The following GALNT13 variants were observed in gnomAD, a reference collection of about 807,000 sequenced individuals.
The protein encoded by GALNT13 is UDP-GalNAc:polypeptide N-acetylgalactosaminyltransferase 13.
Under a neutral mutation model 64.2 loss-of-function variants are expected in GALNT13, and 28 were observed. The observed-to-expected ratio is 0.44, with a 90% CI of 0.32 to 0.60. GALNT13 has a LOEUF of 0.60. Among genes scored for constraint, GALNT13 ranks in the 20% least tolerant of loss-of-function variants. The probability of loss-of-function intolerance (pLI) is 0.05; values close to 1 mark genes in which losing one functional copy is unlikely to be tolerated. For synonymous variants in GALNT13, 214 were observed against 224.6 expected, an observed-to-expected ratio of 0.95 and a Z score of 0.42; for missense variants, 577 against 669.8, an observed-to-expected ratio of 0.86 and a Z score of 1.53.
At chr2:153,909,981 T>C (rs566918586) in intron 2 of GALNT13, among the ~76,000 whole-genome samples, 11 of 152,276 alleles carry the variant, frequency 7.2e-5, no homozygotes, top group African/African-American at 2.6e-4. Context: ...CCTCATTTTT[T>C]TGGAATAATT....
chr2:154,430,253 T>A (rs2105446342), intron 11 of GALNT13, among the ~76,000 whole-genome samples: 1 of 152,290 alleles, frequency 6.6e-6, no homozygotes, highest in East Asian at 1.9e-4. Context: ...TATTCACAAT[T>A]CTAGATACCG....
the GALNT13 span, among the ~76,000 whole-genome samples, chr2:153,631,855 T>C: frequency 1.3e-5 from 2 of 152,198 alleles, no homozygotes; most frequent in African/African-American, 2.4e-5. Flanking sequence ...CCATTGCTTT[T>C]GGTGTTTTAA....
At chr2:153,301,308 T>TAAAAAAAAAAAAA in the GALNT13 span, among the ~76,000 whole-genome samples, 1 of 14,270 alleles carries the variant, frequency 7.0e-5, no homozygotes, top group East Asian at 3.5e-4. Context: ...AGACTCCTTC[T>TAAAAAAAAAAAAA]CAAAAAAAAA....
intron 9 of GALNT13, among the ~76,000 whole-genome samples, chr2:154,306,618 T>TGGGGGGG (rs70983716): frequency 9.5e-5 from 12 of 126,320 alleles, no homozygotes; most frequent in Admixed American, 1.8e-4. Flanking sequence ...GATAATTTGG[T>TGGGGGGG]GGGGGGGGGG....
At chr2:154,348,707 A>G (rs180726827) in intron 9 of GALNT13, among the ~76,000 whole-genome samples, 83 of 151,992 alleles carry the variant, frequency 5.5e-4, no homozygotes, top group African/African-American at 2.0e-3. Context: ...TCCCAATGTC[A>G]TTTTATACTA....
chr2:153,550,091 CCT>C, the GALNT13 span, among the ~76,000 whole-genome samples: 2 of 152,228 alleles, frequency 1.3e-5, no homozygotes, highest in Admixed American at 6.5e-5. Flanking sequence ...CTTTCTGCTC[CCT>C]GTTTCCTAGA....
the GALNT13 span, among the ~76,000 whole-genome samples, chr2:153,759,813 T>C: frequency 6.6e-6 from 1 of 152,110 alleles, no homozygotes; most frequent in Non-Finnish European, 1.5e-5. Flanking sequence ...GGTACCAGGA[T>C]GATTCTACCC....
intron 1 of GALNT13, among the ~76,000 whole-genome samples, chr2:153,881,383 G>T (rs1686774250): frequency 6.6e-6 from 1 of 152,182 alleles, no homozygotes; most frequent in African/African-American, 2.4e-5. Flanking sequence ...CCCACTGTCA[G>T]ACTTATGGAT....
At chr2:154,143,152 T>G (rs1177808951) in intron 4 of GALNT13, among the ~76,000 whole-genome samples, 1 of 152,176 alleles carries the variant, frequency 6.6e-6, no homozygotes, top group Non-Finnish European at 1.5e-5. Flanking sequence ...TGATCAGGCA[T>G]TAGATTCTCA....
chr2:154,095,998 A>T (rs1981904), intron 3 of GALNT13, among the ~76,000 whole-genome samples: 83,733 of 151,742 alleles, frequency 0.55, 24,328 homozygotes, highest in East Asian at 0.85. Context: ...AAGTAGCGAT[A>T]TGAAGTTTCT....
At chr2:154,447,403 C>T (rs707074) in intron 12 of GALNT13, among the ~76,000 whole-genome samples, 149,965 of 152,058 alleles carry the variant, frequency 0.99, 73,986 homozygotes, top group Middle Eastern at 1. Flanking sequence ...CTCACTTTTA[C>T]GATTTGTGAC....
chr2:154,167,083 A>G (rs1685073598), intron 4 of GALNT13, among the ~76,000 whole-genome samples: 1 of 152,190 alleles, frequency 6.6e-6, no homozygotes, highest in Admixed American at 6.5e-5. Flanking sequence ...ATATGTAACA[A>G]ACCTGCAAGT....
chr2:154,063,801 C>G (rs2105372750), intron 3 of GALNT13, among the ~76,000 whole-genome samples: 1 of 152,144 alleles, frequency 6.6e-6, no homozygotes, highest in South Asian at 2.1e-4. Context: ...AAAATAACAA[C>G]TTTTATGGGA....
At chr2:153,609,244 C>T in the GALNT13 span, among the ~76,000 whole-genome samples, 1 of 152,084 alleles carries the variant, frequency 6.6e-6, no homozygotes, top group African/African-American at 2.4e-5. Context: ...TTTTCTCCTT[C>T]TAATCTTAAT....
intron 3 of GALNT13, among the ~76,000 whole-genome samples, chr2:153,949,036 A>G (rs902150414): frequency 6.6e-6 from 1 of 152,086 alleles, no homozygotes; most frequent in Non-Finnish European, 1.5e-5. Context: ...TACCTTTTCT[A>G]TGTTTGGATC....
intron 9 of GALNT13, among the ~76,000 whole-genome samples, chr2:154,317,240 G>A (rs529129126): frequency 2.1e-3 from 318 of 151,872 alleles, no homozygotes; most frequent in Non-Finnish European, 2.2e-3. Context: ...AATGGTGTAG[G>A]GTTTTTACTA....
chr2:153,620,155 A>T, the GALNT13 span, among the ~76,000 whole-genome samples: 2 of 151,918 alleles, frequency 1.3e-5, no homozygotes, highest in Non-Finnish European at 2.9e-5. Flanking sequence ...ACAGATTCTC[A>T]TTCTGTCACC....
the GALNT13 span, among the ~76,000 whole-genome samples, chr2:153,304,114 C>T: frequency 6.6e-6 from 1 of 151,388 alleles, no homozygotes; most frequent in African/African-American, 2.4e-5. Flanking sequence ...GACCATTACT[C>T]ATTATCAGAT....
At position 154,300,997 on chromosome 2, in the gene GALNT13, A is replaced by G. The variant is rs1462521182; in HGVS notation, c.976-412A>G. ...AAGGTATATGACCAGCTTAGAATGA[A>G]TGATCGTTTATAATTCCAGATGGAT... On this transcript the variant is annotated intron_variant, in intron 8 of 12. Coordinates refer to ENST00000392825, the MANE Select transcript of GALNT13 (RefSeq NM_052917.4). Among the ~76,000 whole-genome samples, 12 of 152,302 alleles carry G rather than the reference A, an allele frequency of 7.9e-5. No individual in the cohort carries two copies. In the East Asian group the frequency reaches 2.3e-3, roughly 29 times the overall value.
Sources: gnomAD v4.1 joint callset for allele counts (sites outside exome capture counted in the v4.1 genomes callset) on GRCh38, gnomAD v4.1.1 for gene constraint, MANE v1.5 for transcripts, NCBI Gene and HGNC (gene_info 2026-07-23, HGNC 2026-07-21) for gene names.